The following PTPRZ1 variants were observed in gnomAD, a reference collection of about 807,000 sequenced individuals.
PTPRZ1 encodes protein tyrosine phosphatase receptor type Z1.
A neutral mutation model predicts 214.1 loss-of-function variants in PTPRZ1; 82 were observed. That is an observed-to-expected ratio of 0.38 (90% CI 0.32 to 0.46). PTPRZ1 has a LOEUF of 0.46. Among genes scored for constraint, PTPRZ1 ranks in the 20% least tolerant of loss-of-function variants. The pLI is 1.00. For synonymous variants in PTPRZ1, 945 were observed against 987.9 expected (o/e 0.96, Z 0.81); for missense variants, 2,603 against 2,748.7 (o/e 0.95, Z 1.19).
chr7:121,900,724 A>G (rs1339717486), intron 1 of PTPRZ1, among the ~76,000 whole-genome samples: 1 of 152,174 alleles, frequency 6.6e-6, no homozygotes, highest in Admixed American at 6.6e-5. Flanking sequence ...ATAGGACCAT[A>G]AGGACGTACC....
intron 27 of PTPRZ1, among the ~76,000 whole-genome samples, chr7:122,056,027 T>C (rs955297865): frequency 6.6e-6 from 1 of 151,870 alleles, no homozygotes; most frequent in Non-Finnish European, 1.5e-5. Flanking sequence ...TAGGTCTTTA[T>C]TTGTAAAATG....
chr7:122,003,782 C>T (rs1241071588), intron 10 of PTPRZ1, among the ~76,000 whole-genome samples: 6 of 152,148 alleles, frequency 3.9e-5, no homozygotes, highest in East Asian at 1.9e-4. Flanking sequence ...ATTCTCTGGC[C>T]GCTCAGTAAC....
At position 122,011,688 on chromosome 7, in the gene PTPRZ1, C is replaced by T; in HGVS notation, c.2642C>T (p.Ser881Phe). 7 of 1,614,038 alleles carry T rather than the reference C, an allele frequency of 4.3e-6. No individual in the cohort carries two copies. The highest frequency in any genetic ancestry group is 1.1e-5 in the South Asian group (1 of 91,072). ...CTTGCTCAGTATTCTGATGTGCTGT[C>T]CACTACTCATGCTGCTTCAGAGACG... ...PSLAQYSDVL[S>F]TTHAASETLE... is the part of the protein sequence containing the mutation. Residue 881 changes from serine to phenylalanine, a missense_variant, in exon 12 of 30, where the codon TCC (serine) becomes TTC (phenylalanine). Ser to Phe is a radical substitution (Grantham distance 155). Around this residue, in one of 6 missense-constraint regions of PTPRZ1, gnomAD observed 1,913 missense variants for 1,914.3 expected, o/e 1.00. Transcript: ENST00000393386.
chr7:121,976,277 T>G lies in PTPRZ1; in HGVS notation c.552+9T>G. 1 of 1,494,048 alleles carries G rather than the reference T, an allele frequency of 6.7e-7. No individual in the cohort carries two copies. The highest frequency in any genetic ancestry group is 9.3e-7 in the Non-Finnish European group (1 of 1,078,068). The allele number at this position is 1,494,048 out of a possible 1,614,324, so 92.5% of individuals were successfully genotyped here. ...TATCCATTTTGTTTGAGGTAATATATATACACTTTACACTAATGTAATTCC... is the reference window on the plus strand; with the variant it reads ...TATCCATTTTGTTTGAGGTAATATAGATACACTTTACACTAATGTAATTCC... On this transcript the variant is annotated intron_variant, in intron 5 of 29. Transcript: ENST00000393386.
rs1792198988 is a variant in PTPRZ1 at position 122,051,912 on chromosome 7, A to G, written c.6225A>G (p.Thr2075=). The G allele has an allele frequency of 1.2e-6, 2 of 1,611,460 alleles. No individual in the cohort carries two copies. The highest frequency in any genetic ancestry group is 2.7e-5 in the African/African-American group (2 of 74,682). ...VGISSLSGEG[T]DYINASYIMG... Reference sequence around the variant, plus strand: ...TTTCATCCCTGAGTGGAGAAGGCACAGACTACATCAATGCCTCCTATATCA... The same window carrying G: ...TTTCATCCCTGAGTGGAGAAGGCACGGACTACATCAATGCCTCCTATATCA... Residue 2075 remains threonine, a synonymous_variant, in exon 25 of 30, where the codon ACA becomes ACG. Transcript: ENST00000393386.
intron 2 of PTPRZ1, among the ~76,000 whole-genome samples, chr7:121,959,349 C>T (rs901269530): frequency 2.0e-5 from 3 of 152,158 alleles, no homozygotes; most frequent in Non-Finnish European, 4.4e-5. Flanking sequence ...AAATTGTTTG[C>T]ATTTGATCTG....
chr7:121,965,943 A>G (rs1797035468), intron 2 of PTPRZ1, among the ~76,000 whole-genome samples: 1 of 152,186 alleles, frequency 6.6e-6, no homozygotes, highest in Non-Finnish European at 1.5e-5. Context: ...ATCTCCCAAC[A>G]AACTCCTAGG....
chr7:121,935,260 C>G (rs1796042193), intron 2 of PTPRZ1, among the ~76,000 whole-genome samples: 1 of 151,970 alleles, frequency 6.6e-6, no homozygotes, highest in Admixed American at 6.6e-5. Flanking sequence ...ATGTGTCTCC[C>G]CTATTAAAAA....
chr7:121,943,289 G>A (rs1796280375), intron 2 of PTPRZ1, among the ~76,000 whole-genome samples: 1 of 152,104 alleles, frequency 6.6e-6, no homozygotes, highest in Non-Finnish European at 1.5e-5. Context: ...TGTCAAATGA[G>A]CAATCACAAT....
rs148596394 is a variant in PTPRZ1 at position 122,037,371 on chromosome 7, T to C, written c.5367+689T>C. Among the ~76,000 whole-genome samples, 351 of 152,242 alleles carry C rather than the reference T, an allele frequency of 2.3e-3. 2 individuals carry two copies. The highest frequency in any genetic ancestry group is 8.2e-3 in the African/African-American group (339 of 41,542). On this transcript the variant is annotated intron_variant, in intron 18 of 29. Coordinates refer to ENST00000393386, the MANE Select transcript of PTPRZ1 (RefSeq NM_002851.3). ...GTGCATTTAGCTGATGAACAAAAAATTTCCATAGTAGTACTGATTAAAAGG... is the reference window on the plus strand; with the variant it reads ...GTGCATTTAGCTGATGAACAAAAAACTTCCATAGTAGTACTGATTAAAAGG...
At chr7:122,009,537 G>GTA (rs914117461) in intron 11 of PTPRZ1, among the ~76,000 whole-genome samples, 1 of 150,264 alleles carries the variant, frequency 6.7e-6, no homozygotes, top group African/African-American at 2.4e-5. Flanking sequence ...CCAGTTTTAT[G>GTA]TATATATACG....
intron 1 of PTPRZ1, among the ~76,000 whole-genome samples, chr7:121,910,206 C>A (rs187953341): frequency 6.6e-5 from 10 of 152,266 alleles, no homozygotes; most frequent in Middle Eastern, 6.8e-3. Flanking sequence ...TGTCTGCAGA[C>A]TTCTTCGCTG....
chr7:122,023,008 A>C (rs531211520), intron 13 of PTPRZ1, among the ~76,000 whole-genome samples: 17 of 152,282 alleles, frequency 1.1e-4, no homozygotes, highest in African/African-American at 3.1e-4. Context: ...GGACAATTGA[A>C]TATTCACATA....
chr7:121,976,901 T>C, intron 6 of PTPRZ1, 50 bp downstream of exon 6: 1 of 1,507,408 alleles, frequency 6.6e-7, no homozygotes, highest in Non-Finnish European at 9.1e-7. Flanking sequence ...TTTGGATGGA[T>C]AAGAATGTTG....
At chr7:121,906,658 T>C (rs1795125547) in intron 1 of PTPRZ1, among the ~76,000 whole-genome samples, 1 of 152,182 alleles carries the variant, frequency 6.6e-6, no homozygotes, top group Non-Finnish European at 1.5e-5. Flanking sequence ...GTTTTTCCCT[T>C]AATTTCAAGG....
intron 14 of PTPRZ1, 68 bp from the exon 15 acceptor site, chr7:122,031,406 T>A: frequency 1.8e-6 from 2 of 1,116,600 alleles, no homozygotes; most frequent in Non-Finnish European, 2.7e-6. Flanking sequence ...AGAAGCTACT[T>A]TATAAGTGAT....
At chr7:121,932,249 C>G (rs1009924818) in intron 2 of PTPRZ1, among the ~76,000 whole-genome samples, 1 of 152,056 alleles carries the variant, frequency 6.6e-6, no homozygotes, top group Admixed American at 6.6e-5. Context: ...AAAACCAAAC[C>G]TTTAACGTGG....
At chr7:121,929,015 C>A (rs1795846651) in intron 2 of PTPRZ1, among the ~76,000 whole-genome samples, 1 of 152,058 alleles carries the variant, frequency 6.6e-6, no homozygotes, top group African/African-American at 2.4e-5. Flanking sequence ...ATGAGCCTGG[C>A]CAATTTTACT....
intron 2 of PTPRZ1, among the ~76,000 whole-genome samples, chr7:121,961,357 C>T (rs1408793310): frequency 6.6e-6 from 1 of 152,222 alleles, no homozygotes; most frequent in African/African-American, 2.4e-5. Flanking sequence ...ATTGCCTGAA[C>T]TTTTCTGCCA....
Sources: allele counts gnomAD v4.1 joint callset (sites outside exome capture counted in the v4.1 genomes callset), GRCh38; gene constraint gnomAD v4.1.1; regional missense constraint gnomAD v4.1.1; transcripts MANE v1.5; gene names NCBI Gene and HGNC (gene_info 2026-07-23, HGNC 2026-07-21).